TAF2: variants seen among roughly 807,000 people sequenced by gnomAD.
TAF2 encodes transcription initiation factor TFIID subunit 2.
TAF2 carries 61 observed loss-of-function variants against 138.5 expected under a neutral mutation model. The ratio of observed to expected loss-of-function variants is 0.44; its 90% CI spans 0.36 to 0.54. TAF2 has a LOEUF of 0.54. TAF2 is among the 20% of genes least tolerant of loss of function. The pLI is 0.00. For missense variants in TAF2, 1,090 were observed against 1,427.9 expected, an observed-to-expected ratio of 0.76 and a Z score of 3.81; for synonymous variants, 475 against 469.9, an observed-to-expected ratio of 1.01 and a Z score of -0.14.
intron 18 of TAF2, among the ~76,000 whole-genome samples, chr8:119,769,385 A>G (rs1222486150): frequency 6.6e-6 from 1 of 152,184 alleles, no homozygotes; most frequent in African/African-American, 2.4e-5. Context: ...AGGAATGAGC[A>G]CAACTCCAGC....
intron 3 of TAF2, among the ~76,000 whole-genome samples, chr8:119,812,935 T>C (rs575234237): frequency 9.2e-5 from 14 of 152,328 alleles, no homozygotes; most frequent in African/African-American, 2.6e-4. Context: ...TTTTTTGACA[T>C]AGGGACTTAT....
intron 18 of TAF2, 160 bp from the exon 19 acceptor site, chr8:119,762,768 T>C (rs1821155544): frequency 3.3e-6 from 2 of 606,780 alleles, no homozygotes; most frequent in Non-Finnish European, 5.7e-6. Context: ...TTGCATGTGG[T>C]CACTCTGAAA....
rs1208884636 is a variant in TAF2 at position 119,797,709 on chromosome 8, A to G, written c.930T>C (p.Asp310=). The G allele has an allele frequency of 1.9e-6, 3 of 1,613,362 alleles. No homozygotes were observed. The African/African-American group carries it at 4.0e-5, about 22-fold the overall frequency. Residue 310 remains aspartate (D), a synonymous_variant, in exon 7 of 26, where the codon GAT becomes GAC. Coordinates refer to ENST00000378164, the MANE Select transcript of TAF2 (RefSeq NM_003184.4). The part of the protein sequence containing the change: ...PYSCFKTVFI[D]EAYVEVAAYA... ...AAGCAGCCACTTCAACATAAGCCTC[A>G]TCAATGAAGACAGTCTTAAAACAGG...
chr8:119,772,652 T>C (rs1360270484), intron 18 of TAF2, among the ~76,000 whole-genome samples: 2 of 151,966 alleles, frequency 1.3e-5, no homozygotes, highest in Admixed American at 6.6e-5. Context: ...TTAATTAAAA[T>C]AAGGCCGGGT....
At chr8:119,828,436 G>A (rs1390160829) in intron 2 of TAF2, among the ~76,000 whole-genome samples, 1 of 152,132 alleles carries the variant, frequency 6.6e-6, no homozygotes, top group Non-Finnish European at 1.5e-5. Flanking sequence ...ATAAGGACAA[G>A]AATCACATCT....
intron 23 of TAF2, 28 bp downstream of exon 23, chr8:119,746,677 C>A: frequency 3.7e-6 from 6 of 1,601,392 alleles, no homozygotes; most frequent in Non-Finnish European, 5.1e-6. Flanking sequence ...AATGAAACTA[C>A]GTCTTCTGTA....
intron 18 of TAF2, among the ~76,000 whole-genome samples, chr8:119,774,712 A>G (rs1021662941): frequency 6.6e-6 from 1 of 152,074 alleles, no homozygotes; most frequent in African/African-American, 2.4e-5. Flanking sequence ...AGAGATAATA[A>G]CTTCCCCTTA....
chr8:119,733,370 TGA>T lies in TAF2; in HGVS notation c.3338-1186_3338-1185del, dbSNP rs142999818. On this transcript the variant is annotated intron_variant, in intron 25 of 25. Coordinates refer to ENST00000378164, the MANE Select transcript of TAF2 (RefSeq NM_003184.4). ...GGGAACATCTGTCTCTCTACACAGA[TGA>T]GAGTAGTGTCAGTACAAAGAAAGAA... is the stretch of plus-strand genomic sequence containing the variant. 7.4e-3 allele frequency among the ~76,000 whole-genome samples: 1,129 copies of T among 152,266 alleles called. 16 individuals carry two copies. The highest frequency in any genetic ancestry group is 0.026 in the African/African-American group (1,069 of 41,536).
At chr8:119,742,727 A>C (rs1437875239) in intron 24 of TAF2, 71 bp from the exon 25 acceptor site, 1 of 1,569,620 alleles carries the variant, frequency 6.4e-7, no homozygotes, top group Non-Finnish European at 8.7e-7. Context: ...AAAGGCTGAC[A>C]GGTTTTTATA....
intron 6 of TAF2, among the ~76,000 whole-genome samples, chr8:119,798,437 C>G (rs1476093437): frequency 6.6e-6 from 1 of 152,128 alleles, no homozygotes; most frequent in African/African-American, 2.4e-5. Context: ...CATATGCTAT[C>G]TCTTATTATG....
At chr8:119,748,387 T>A (rs1820126000) in intron 22 of TAF2, among the ~76,000 whole-genome samples, 1 of 151,146 alleles carries the variant, frequency 6.6e-6, no homozygotes, top group African/African-American at 2.4e-5. Context: ...AAATCTGCAA[T>A]GGGAAAAATT....
intron 3 of TAF2, among the ~76,000 whole-genome samples, chr8:119,812,118 T>C (rs991886153): frequency 1.3e-5 from 2 of 152,132 alleles, no homozygotes; most frequent in Non-Finnish European, 2.9e-5. Flanking sequence ...AGGAAGTGGT[T>C]TGACACAAAA....
chr8:119,742,602 G>A lies in TAF2; in HGVS notation c.3269C>T (p.Ser1090Leu), dbSNP rs201984633. 2.5e-6 allele frequency: 4 copies of A among 1,613,972 alleles called. No homozygotes were observed. The African/African-American group carries it at 4.0e-5, about 16-fold the overall frequency. ...SSRSALIPQH[S>L]AGCDSTPTTK... ...GGTGGGTGTGCTGTCACAGCCTGCT[G>A]AGTGCTGGGGTATTAAAGCAGATCG... Residue 1090 changes from serine to leucine, a missense_variant, in exon 25 of 26, where the codon TCA (serine) becomes TTA (leucine). Ser to Leu is a moderately radical substitution (Grantham distance 145). Transcript: ENST00000378164.
chr8:119,744,725 T>G (rs879664755), intron 23 of TAF2: 1 of 385,122 alleles, frequency 2.6e-6, no homozygotes, highest in Non-Finnish European at 4.9e-6. Context: ...ATAAGTTAAA[T>G]ACTTGGTTCG....
intron 11 of TAF2, among the ~76,000 whole-genome samples, chr8:119,790,255 G>C (rs1823324181): frequency 6.6e-6 from 1 of 152,122 alleles, no homozygotes; most frequent in South Asian, 2.1e-4. Flanking sequence ...GGGCAACATA[G>C]TGAAACCCCA....
intron 24 of TAF2, 47 bp downstream of exon 24, chr8:119,744,241 C>A (rs779260263): frequency 1.3e-6 from 2 of 1,501,908 alleles, no homozygotes; most frequent in Non-Finnish European, 9.3e-7. Context: ...ATACTGACAT[C>A]AACCAATGTC....
chr8:119,736,034 C>T (rs909950839), intron 25 of TAF2, among the ~76,000 whole-genome samples: 1 of 152,132 alleles, frequency 6.6e-6, no homozygotes, highest in African/African-American at 2.4e-5. Flanking sequence ...GAAGTTTTAT[C>T]CTTTAATCCT....
At chr8:119,748,211 A>G (rs538270571) in intron 22 of TAF2, among the ~76,000 whole-genome samples, 185 of 152,172 alleles carry the variant, frequency 1.2e-3, no homozygotes, top group Non-Finnish European at 2.1e-3. Flanking sequence ...TGTTGTTTCA[A>G]AAGAGTACCA....
At chr8:119,832,219 G>A (rs1055878606) in intron 1 of TAF2, among the ~76,000 whole-genome samples, 53 of 149,748 alleles carry the variant, frequency 3.5e-4, no homozygotes, top group African/African-American at 1.1e-3. Context: ...TTAAAATCTA[G>A]CAACAGTCAC....
Sources: gnomAD v4.1 joint callset for allele counts (sites outside exome capture counted in the v4.1 genomes callset) on GRCh38, gnomAD v4.1.1 for gene constraint, MANE v1.5 for transcripts, NCBI Gene and HGNC (gene_info 2026-07-23, HGNC 2026-07-21) for gene names.